The following SNTG1 variants were observed in gnomAD, a reference collection of about 807,000 sequenced individuals.
SNTG1 encodes the protein gamma-1-syntrophin.
In SNTG1, 39 loss-of-function variants were observed where a neutral mutation model predicts 74.7. The observed-to-expected ratio is 0.52, with a 90% CI of 0.40 to 0.68. The LOEUF is 0.68. Among genes scored for constraint, SNTG1 ranks in the 30% least tolerant of loss-of-function variants. SNTG1 has a pLI of 0.00. For missense variants in SNTG1, 685 were observed against 609.5 expected (o/e 1.12, Z -1.30); for synonymous variants, 254 against 217.1 (o/e 1.17, Z -1.49).
chr8:50,015,662 T>G (rs1043016052), intron 1 of SNTG1, among the ~76,000 whole-genome samples: 1 of 152,122 alleles, frequency 6.6e-6, no homozygotes, highest in Non-Finnish European at 1.5e-5. Context: ...TGGTTTCAGA[T>G]GGTGAATTTT....
intron 2 of SNTG1, among the ~76,000 whole-genome samples, chr8:50,230,388 A>C (rs1441953962): frequency 6.6e-6 from 1 of 151,512 alleles, no homozygotes; most frequent in Non-Finnish European, 1.5e-5. Context: ...CAGACCCTGG[A>C]AAAACCAAAA....
At chr8:50,693,931 T>C (rs962978568) in intron 15 of SNTG1, among the ~76,000 whole-genome samples, 1 of 151,972 alleles carries the variant, frequency 6.6e-6, no homozygotes, top group Non-Finnish European at 1.5e-5. Flanking sequence ...AAACATAACA[T>C]ACCAAAACCT....
At chr8:50,390,731 C>T (rs1387682196) in intron 2 of SNTG1, among the ~76,000 whole-genome samples, 1 of 152,072 alleles carries the variant, frequency 6.6e-6, no homozygotes, top group African/African-American at 2.4e-5. Context: ...TTGTTTGTGT[C>T]CTCTTTTATT....
intron 2 of SNTG1, among the ~76,000 whole-genome samples, chr8:50,387,525 T>C (rs1465117324): frequency 6.6e-6 from 1 of 152,124 alleles, no homozygotes; most frequent in Non-Finnish European, 1.5e-5. Context: ...TAAACCCAAG[T>C]CAACTAAACA....
intron 1 of SNTG1, among the ~76,000 whole-genome samples, chr8:50,100,835 TA>T (rs2131227208): frequency 6.6e-6 from 1 of 152,194 alleles, no homozygotes; most frequent in South Asian, 2.1e-4. Flanking sequence ...GTTTTATAGG[TA>T]AATTGTATGT....
intron 18 of SNTG1, chr8:50,762,582 TG>T: frequency 2.6e-6 from 1 of 378,832 alleles, no homozygotes; most frequent in African/African-American, 2.1e-5. Context: ...ATGTGCTTCT[TG>T]GGAGTCTCCA....
intron 1 of SNTG1, among the ~76,000 whole-genome samples, chr8:49,931,584 A>G (rs1319934613): frequency 2.0e-5 from 3 of 152,204 alleles, no homozygotes; most frequent in Non-Finnish European, 4.4e-5. Flanking sequence ...AAGTGTGAAA[A>G]TAACCTAGAA....
intron 2 of SNTG1, among the ~76,000 whole-genome samples, chr8:50,269,892 C>T (rs909574103): frequency 2.0e-5 from 3 of 152,102 alleles, no homozygotes; most frequent in Non-Finnish European, 1.5e-5. Flanking sequence ...GATAGCAATG[C>T]TTTTTGGAAA....
At chr8:49,929,270 G>A (rs1807331052) in intron 1 of SNTG1, among the ~76,000 whole-genome samples, 3 of 152,174 alleles carry the variant, frequency 2.0e-5, no homozygotes, top group Non-Finnish European at 4.4e-5. Context: ...CAGGGGGCAT[G>A]GGATTCATTC....
intron 1 of SNTG1, among the ~76,000 whole-genome samples, chr8:50,142,903 C>T (rs561123386): frequency 2.0e-5 from 3 of 152,152 alleles, no homozygotes; most frequent in African/African-American, 7.2e-5. Context: ...GAAACCCCAT[C>T]TTTACTAAAA....
At chr8:50,425,370 C>G (rs562526968) in intron 4 of SNTG1, among the ~76,000 whole-genome samples, 1 of 152,040 alleles carries the variant, frequency 6.6e-6, no homozygotes, top group Non-Finnish European at 1.5e-5. Flanking sequence ...AAGCACATAC[C>G]CTATTATGAA....
intron 18 of SNTG1, among the ~76,000 whole-genome samples, chr8:50,766,816 T>C (rs1041063314): frequency 2.4e-4 from 37 of 152,070 alleles, no homozygotes; most frequent in African/African-American, 7.9e-4. Flanking sequence ...TTTGCAAATC[T>C]TTGAAAAATT....
intron 12 of SNTG1, among the ~76,000 whole-genome samples, chr8:50,553,851 G>GTATCA (rs1178800382): frequency 6.6e-6 from 1 of 152,040 alleles, no homozygotes. Flanking sequence ...ACCTTACTGA[G>GTATCA]TATCAATCTA....
At chr8:50,484,625 C>T (rs71511994) in intron 8 of SNTG1, among the ~76,000 whole-genome samples, 17 of 151,312 alleles carry the variant, frequency 1.1e-4, no homozygotes, top group Non-Finnish European at 2.1e-4. Context: ...TTTGGGAGGC[C>T]GAGGCAGGTG....
At chr8:50,761,843 C>T (rs550270118) in intron 18 of SNTG1, among the ~76,000 whole-genome samples, 6 of 151,924 alleles carry the variant, frequency 3.9e-5, no homozygotes, top group Admixed American at 3.3e-4. Flanking sequence ...TGAAGTTTAA[C>T]TTACTACTAT....
At chr8:50,137,799 T>C (rs2081523118) in intron 1 of SNTG1, among the ~76,000 whole-genome samples, 4 of 152,080 alleles carry the variant, frequency 2.6e-5, no homozygotes, top group Admixed American at 2.6e-4. Context: ...CACTGGACAC[T>C]GAGGATGGAC....
At chr8:50,069,512 T>A (rs182431913) in intron 1 of SNTG1, among the ~76,000 whole-genome samples, 38 of 151,304 alleles carry the variant, frequency 2.5e-4, no homozygotes, top group Admixed American at 2.1e-3. Flanking sequence ...AATTGTGTAA[T>A]GAAATCATCT....
chr8:50,595,024 GT>G (rs1303300005), intron 13 of SNTG1, among the ~76,000 whole-genome samples: 5 of 11,942 alleles, frequency 4.2e-4, no homozygotes, highest in Admixed American at 2.0e-3. Context: ...TTGAAGATGT[GT>G]GTGTGTGTGT....
intron 1 of SNTG1, among the ~76,000 whole-genome samples, chr8:50,050,183 A>G (rs905979443): frequency 6.6e-6 from 1 of 151,974 alleles, no homozygotes; most frequent in Non-Finnish European, 1.5e-5. Context: ...AAAAAAATCA[A>G]TAAAATCAAA....
Sources: gnomAD v4.1 joint callset for allele counts (sites outside exome capture counted in the v4.1 genomes callset) on GRCh38, gnomAD v4.1.1 for gene constraint, MANE v1.5 for transcripts, NCBI Gene and HGNC (gene_info 2026-07-23, HGNC 2026-07-21) for gene names.